The following LBH variants were observed in gnomAD, a reference collection of about 807,000 sequenced individuals.
LBH encodes the protein protein LBH.
A neutral mutation model predicts 12.5 loss-of-function variants in LBH; 7 were observed. The observed-to-expected ratio is 0.56, with a 90% CI of 0.32 to 1.05. The LOEUF (loss-of-function observed/expected upper bound fraction) is 1.05. Among genes scored for constraint, LBH ranks in the 50% least tolerant of loss-of-function variants. The probability of loss-of-function intolerance (pLI) is 0.04; values close to 1 mark genes in which losing one functional copy is unlikely to be tolerated. For synonymous variants in LBH, 51 were observed against 50.1 expected, an observed-to-expected ratio of 1.02 and a Z score of -0.08; for missense variants, 119 against 138.9, an observed-to-expected ratio of 0.86 and a Z score of 0.72.
intron 2 of LBH, among the ~76,000 whole-genome samples, chr2:30,241,577 A>C (rs1189991319): frequency 1.3e-5 from 2 of 149,918 alleles, no homozygotes; most frequent in Non-Finnish European, 3.0e-5. Flanking sequence ...CTCCTGCCTC[A>C]GCCTCTTGAG....
At chr2:30,239,957 A>C (rs371230738) in intron 2 of LBH, among the ~76,000 whole-genome samples, 69 of 152,300 alleles carry the variant, frequency 4.5e-4, no homozygotes, top group African/African-American at 1.7e-3. Flanking sequence ...TAGCCTGGTC[A>C]GGGAGAGAAC....
chr2:30,248,478 T>G (rs1431221555), intron 2 of LBH, among the ~76,000 whole-genome samples: 1 of 152,056 alleles, frequency 6.6e-6, no homozygotes, highest in Non-Finnish European at 1.5e-5. Flanking sequence ...TATTCAAGAT[T>G]TGTGTTTCCA....
chr2:30,231,618 G>T lies in LBH; in HGVS notation c.-121G>T. On this transcript the variant is annotated 5_prime_UTR_variant, in exon 1 of 3. Coordinates refer to ENST00000395323, the MANE Select transcript of LBH (RefSeq NM_030915.4). ...GGGCTGTCCTGGGAAGGCGGACGGC[G>T]AGCGCCCGGTGTCCGCACTCGGCCG... 1.0e-6 allele frequency: 1 copy of T among 962,320 alleles called. No individual in the cohort carries two copies. Among genetic ancestry groups the T allele is most frequent in the Non-Finnish European group, 1.6e-6 (1 of 611,252 alleles). The allele number at this position is 962,320 out of a possible 1,614,324, so 59.6% of individuals were successfully genotyped here.
Position 30,257,909 on chromosome 2 carries a change from T to C in LBH, c.*288T>C. The C allele has an allele frequency of 3.8e-6, 1 of 264,578 alleles. No homozygotes were observed. Among genetic ancestry groups the C allele is most frequent in the South Asian group, 6.5e-5 (1 of 15,478 alleles). 16.4% of individuals were successfully genotyped at this position (264,578 alleles called of 1,614,324 possible). On this transcript the variant is annotated 3_prime_UTR_variant, in exon 3 of 3. Coordinates refer to ENST00000395323, the MANE Select transcript of LBH (RefSeq NM_030915.4). The stretch of plus-strand genomic sequence containing the variant: ...TGGGTGAGGGGAGCGAGTGCTGTTT[T>C]TGAGATCATTATCTGAACTCAGGCA...
At chr2:30,249,055 A>AGCATTGGAGTAGGCTT (rs368760770) in intron 2 of LBH, among the ~76,000 whole-genome samples, 6,667 of 152,188 alleles carry the variant, frequency 0.044, 496 homozygotes, top group African/African-American at 0.15. Flanking sequence ...GGGGAGATTT[A>AGCATTGGAGTAGGCTT]AGGAAGATGA....
chr2:30,241,325 C>A (rs1473351955), intron 2 of LBH, among the ~76,000 whole-genome samples: 1 of 152,096 alleles, frequency 6.6e-6, no homozygotes, highest in East Asian at 1.9e-4. Flanking sequence ...GGAAGTTTTT[C>A]CTTCCCTTTC....
At chr2:30,236,339 A>C (rs56076703) in intron 2 of LBH, among the ~76,000 whole-genome samples, 5,309 of 152,276 alleles carry the variant, frequency 0.035, 316 homozygotes, top group African/African-American at 0.12. Flanking sequence ...CAAGGGCAGC[A>C]GGAAAATAAA....
At chr2:30,254,190 A>T (rs1678039547) in intron 2 of LBH, among the ~76,000 whole-genome samples, 1 of 152,204 alleles carries the variant, frequency 6.6e-6, no homozygotes, top group African/African-American at 2.4e-5. Flanking sequence ...TATCCTATAC[A>T]TCCATACCTG....
At chr2:30,239,410 C>G (rs1677747863) in intron 2 of LBH, among the ~76,000 whole-genome samples, 2 of 152,208 alleles carry the variant, frequency 1.3e-5, no homozygotes, top group South Asian at 4.1e-4. Context: ...CTCATTACCC[C>G]TGTCTCATTG....
At chr2:30,232,403 G>C (rs1677606803) in intron 1 of LBH, 5 of 778,582 alleles carry the variant, frequency 6.4e-6, no homozygotes, top group Non-Finnish European at 7.5e-6. Context: ...CGTGCTGAAG[G>C]GGAAGGAGCC....
rs2279998 is a variant in LBH, at chr2:30,257,894, G to A, written c.*273G>A. 3,266 of 291,578 alleles carry A rather than the reference G, an allele frequency of 0.011. 125 individuals are homozygous for A. The highest frequency in any genetic ancestry group is 0.068 in the African/African-American group (2,981 of 44,028). The allele number at this position is 291,578 out of a possible 1,614,324, so 18.1% of individuals were successfully genotyped here. ...GAGCCAGGGGGTTAGTGGGTGAGGG[G>A]AGCGAGTGCTGTTTTTGAGATCATT... On this transcript the variant is annotated 3_prime_UTR_variant, in exon 3 of 3. Transcript: ENST00000395323.
At chr2:30,248,997 A>C (rs986481297) in intron 2 of LBH, among the ~76,000 whole-genome samples, 7 of 147,950 alleles carry the variant, frequency 4.7e-5, no homozygotes, top group Non-Finnish European at 8.8e-5. Context: ...TAGAGGCACC[A>C]GGGCAAGGCA....
intron 2 of LBH, among the ~76,000 whole-genome samples, chr2:30,249,188 C>T (rs957296368): frequency 5.9e-5 from 9 of 151,976 alleles, no homozygotes; most frequent in East Asian, 5.8e-4. Flanking sequence ...CCACATTTCA[C>T]GTGGAAAAGC....
intron 2 of LBH, among the ~76,000 whole-genome samples, chr2:30,248,218 T>C (rs1462236927): frequency 6.6e-6 from 1 of 152,220 alleles, no homozygotes; most frequent in African/African-American, 2.4e-5. Context: ...GCTTCTTTTA[T>C]GGGAGCTACT....
At chr2:30,232,701 C>T (rs539932194) in intron 1 of LBH, 1 of 153,332 alleles carries the variant, frequency 6.5e-6, no homozygotes, top group African/African-American at 2.4e-5. Flanking sequence ...GCGGAAAGTT[C>T]ATGCTTCTCG....
intron 2 of LBH, among the ~76,000 whole-genome samples, chr2:30,254,090 T>C (rs1018720273): frequency 9.8e-5 from 15 of 152,346 alleles, no homozygotes; most frequent in African/African-American, 3.6e-4. Context: ...AGGGTTACAG[T>C]AGTCCCCGTT....
intron 2 of LBH, among the ~76,000 whole-genome samples, chr2:30,245,905 C>G (rs972899914): frequency 1.3e-5 from 2 of 152,028 alleles, no homozygotes; most frequent in African/African-American, 4.8e-5. Context: ...TTATGTTCCC[C>G]TCAAATCTTT....
intron 2 of LBH, among the ~76,000 whole-genome samples, chr2:30,247,838 TTGA>T (rs1677901998): frequency 6.6e-6 from 1 of 152,214 alleles, no homozygotes; most frequent in Admixed American, 6.5e-5. Flanking sequence ...TGGCGAACAA[TTGA>T]TGATGCCAAG....
At chr2:30,232,293 G>A (rs1677603977) in intron 1 of LBH, 1 of 1,464,532 alleles carries the variant, frequency 6.8e-7, no homozygotes. Flanking sequence ...GCCACAAGCA[G>A]CAGGGCACGC....
Sources: gnomAD v4.1 joint callset for allele counts (sites outside exome capture counted in the v4.1 genomes callset) on GRCh38, gnomAD v4.1.1 for gene constraint, MANE v1.5 for transcripts, NCBI Gene and HGNC (gene_info 2026-07-23, HGNC 2026-07-21) for gene names.